Variants in TIAM1 observed in about 807,000 individuals in gnomAD.
TIAM1 encodes the protein TIAM Rac1 associated GEF 1.
In TIAM1, 65 loss-of-function variants were observed where a neutral mutation model predicts 163.5. That is an observed-to-expected ratio of 0.40 (90% CI 0.33 to 0.49). The LOEUF is 0.49. Ranked by LOEUF, TIAM1 falls within the 20% of genes least tolerant of loss-of-function variation. The probability of loss-of-function intolerance (pLI) is 0.77; values close to 1 mark genes in which losing one functional copy is unlikely to be tolerated. For synonymous variants in TIAM1, 833 were observed against 810.1 expected (o/e 1.03, Z -0.48); for missense variants, 1,789 against 2,044.7 (o/e 0.87, Z 2.41).
Position 31,498,166 on chromosome 21 carries a change from C to T in TIAM1, c.-421-34131G>A, listed in dbSNP as rs949255164. On this transcript the variant is annotated intron_variant, in intron 1 of 28. Transcript: ENST00000286827. ...TCCCTTGGAGATAACAGCCAACAAG[C>T]CATTTGGTGGTGTGTCACTGAAGGA... is the stretch of plus-strand genomic sequence containing the variant. 3.3e-5 allele frequency among the ~76,000 whole-genome samples: 5 copies of T among 152,314 alleles called. No homozygotes were observed. In the East Asian group the frequency reaches 9.7e-4, roughly 29 times the overall value.
chr21:31,363,564 G>T (rs1335518449), intron 2 of TIAM1, among the ~76,000 whole-genome samples: 1 of 152,120 alleles, frequency 6.6e-6, no homozygotes, highest in African/African-American at 2.4e-5. Context: ...TTCCTCTAAT[G>T]ATGTCTTTTA....
intron 6 of TIAM1, 103 bp from the exon 7 acceptor site, chr21:31,226,053 A>G: frequency 3.3e-6 from 3 of 900,680 alleles, no homozygotes. Context: ...AGTCGAGGTG[A>G]CAGGTCTAGA....
intron 1 of TIAM1, among the ~76,000 whole-genome samples, chr21:31,341,921 C>G (rs1183485264): frequency 6.6e-6 from 1 of 151,776 alleles, no homozygotes. Flanking sequence ...TTCCAAAAGA[C>G]CAATAAAATT....
intron 5 of TIAM1, 53 bp downstream of exon 5, chr21:31,251,689 G>A (rs1312167755): frequency 3.3e-6 from 5 of 1,497,932 alleles, no homozygotes; most frequent in African/African-American, 1.4e-5. Flanking sequence ...TGTGCACAAC[G>A]GGGCACCTCT....
intron 2 of TIAM1, among the ~76,000 whole-genome samples, chr21:31,453,881 C>T (rs892028734): frequency 6.6e-5 from 10 of 152,110 alleles, no homozygotes; most frequent in Non-Finnish European, 1.0e-4. Flanking sequence ...CTTCTATACG[C>T]TCCTTCTTGC....
intron 2 of TIAM1, among the ~76,000 whole-genome samples, chr21:31,291,010 T>A (rs920474467): frequency 3.9e-5 from 6 of 152,072 alleles, no homozygotes; most frequent in African/African-American, 1.4e-4. Context: ...TAACAAATTA[T>A]CCCTTCACCA....
At chr21:31,483,772 T>C (rs1288884253) in intron 1 of TIAM1, among the ~76,000 whole-genome samples, 2 of 152,012 alleles carry the variant, frequency 1.3e-5, no homozygotes, top group African/African-American at 4.8e-5. Flanking sequence ...CCAGAGACAA[T>C]GTCCCTTGTC....
chr21:31,266,076 T>C lies in TIAM1; in HGVS notation c.897A>G (p.Glu299=). The C allele has an allele frequency of 6.2e-7, 1 of 1,614,252 alleles. No homozygotes were observed. Among genetic ancestry groups the C allele is most frequent in the Admixed American group, 1.7e-5 (1 of 60,032 alleles). ...GGCTAATTTGTGGGTTGGTGGCACC[T>C]TCAGAGAGACAGTGAGATTTCCTAC... The part of the protein sequence containing the change: ...LPCRKSHCLS[E]GATNPQISHS... The change falls in exon 4 of 28, where the codon GAA becomes GAG. Residue 299 remains glutamate, a synonymous_variant. Coordinates refer to ENST00000541036, the MANE Select transcript of TIAM1 (RefSeq NM_001353694.2).
chr21:31,252,780 C>T lies in TIAM1; in HGVS notation c.964-591G>A, dbSNP rs147840562. On this transcript the variant is annotated intron_variant, in intron 4 of 27. Transcript: ENST00000541036. ...CACGGCTCCGTGTTCCAGGAGCAGGCAAGAATCCTCATCCTCTAATCAGAT... is the reference window on the plus strand; with the variant it reads ...CACGGCTCCGTGTTCCAGGAGCAGGTAAGAATCCTCATCCTCTAATCAGAT... 2.8e-3 allele frequency among the ~76,000 whole-genome samples: 422 copies of T among 152,352 alleles called. 4 individuals are homozygous for T. The highest frequency in any genetic ancestry group is 1.0e-2 in the African/African-American group (414 of 41,586).
intron 1 of TIAM1, among the ~76,000 whole-genome samples, chr21:31,518,776 T>C (rs2833434): frequency 0.64 from 96,608 of 151,984 alleles, 31,013 homozygotes; most frequent in East Asian, 0.96. Flanking sequence ...CAGGTGCAAG[T>C]AATAGCAATC....
At chr21:31,246,308 G>A (rs546966964) in intron 5 of TIAM1, among the ~76,000 whole-genome samples, 17 of 152,130 alleles carry the variant, frequency 1.1e-4, no homozygotes, top group Middle Eastern at 3.4e-3. Context: ...GGGAGAAGCC[G>A]GAGTCCTGGT....
chr21:31,376,890 A>G (rs2076696165), intron 2 of TIAM1, among the ~76,000 whole-genome samples: 1 of 151,708 alleles, frequency 6.6e-6, no homozygotes, highest in Non-Finnish European at 1.5e-5. Context: ...TCAGAGTCTC[A>G]CTCTGTCACC....
chr21:31,546,876 T>A (rs1000345003), intron 1 of TIAM1, among the ~76,000 whole-genome samples: 3 of 152,178 alleles, frequency 2.0e-5, no homozygotes, highest in African/African-American at 4.8e-5. Context: ...AGACCATATC[T>A]TATACCCTTG....
intron 2 of TIAM1, among the ~76,000 whole-genome samples, chr21:31,358,232 G>A (rs918089053): frequency 6.6e-5 from 10 of 152,128 alleles, no homozygotes; most frequent in African/African-American, 9.7e-5. Context: ...AAGGATGATG[G>A]GCAGTATTAA....
At chr21:31,462,789 C>T (rs1470127171) in intron 2 of TIAM1, among the ~76,000 whole-genome samples, 2 of 148,708 alleles carry the variant, frequency 1.3e-5, no homozygotes, top group African/African-American at 5.0e-5. Context: ...ATTGACCAGG[C>T]TGGAGGGCAG....
Position 31,351,770 on chromosome 21 carries a change from A to G in TIAM1, c.-368-12348T>C, listed in dbSNP as rs111935684. On this transcript the variant is annotated intron_variant, in intron 2 of 28. Transcript: ENST00000286827. ...AGCTCTACCCCTGGAATACCAAGAA[A>G]TTAAAGTTCATCTCTGGCAGGGCGT... is the stretch of plus-strand genomic sequence containing the variant. Among the ~76,000 whole-genome samples, 89 of 152,212 alleles carry G rather than the reference A, an allele frequency of 5.8e-4. 1 individual carries two copies. Among genetic ancestry groups the G allele is most frequent in the African/African-American group, 1.8e-3 (75 of 41,554 alleles).
At chr21:31,466,712 T>A (rs2045545465) in intron 1 of TIAM1, among the ~76,000 whole-genome samples, 2 of 152,196 alleles carry the variant, frequency 1.3e-5, no homozygotes, top group Non-Finnish European at 2.9e-5. Context: ...TGGTGCCCAG[T>A]AATACCTGAC....
intron 2 of TIAM1, among the ~76,000 whole-genome samples, chr21:31,302,450 T>A (rs1171595613): frequency 6.6e-6 from 1 of 152,222 alleles, no homozygotes; most frequent in Non-Finnish European, 1.5e-5. Context: ...GTCTTTGACA[T>A]ACCGCAACCC....
In TIAM1 at chr21:31,190,096, G is replaced by A. The variant is rs530599690; in HGVS notation, c.2576-3009C>T. 5.9e-5 allele frequency among the ~76,000 whole-genome samples: 9 copies of A among 152,246 alleles called. No homozygotes were observed. The South Asian group carries it at 8.3e-4, about 14-fold the overall frequency. On this transcript the variant is annotated intron_variant, in intron 13 of 27. Transcript: ENST00000541036. ...AATAATGATCAGGAGAACGAAGGAA[G>A]TGCTTAAAATTAAGTGATGAAACTA...
Sources: gnomAD v4.1 joint callset for allele counts (sites outside exome capture counted in the v4.1 genomes callset) on GRCh38, gnomAD v4.1.1 for gene constraint, MANE v1.5 for transcripts, NCBI Gene and HGNC (gene_info 2026-07-23, HGNC 2026-07-21) for gene names.